Variants in KCNQ1OT1 observed in about 807,000 individuals in gnomAD.
KCNQ1OT1 encodes the protein KCNQ1 opposite strand/antisense transcript 1.
exon 1 of KCNQ1OT1, chr11:2,614,268 G>C (rs1849025314): frequency 2.5e-6 from 1 of 398,538 alleles, no homozygotes; most frequent in Non-Finnish European, 4.4e-6. Flanking sequence ...TCTGACATGT[G>C]TTCTCCATGT....
chr11:2,679,746 T>A lies in KCNQ1OT1; in HGVS notation n.20249A>T, dbSNP rs541719547. ...GTCCAGATGCTGTGGACAGTGATGA[T>A]GGGAAAATAGTCCCTGCTGCACACT... On this transcript the variant is annotated non_coding_transcript_exon_variant, in exon 1 of 1. Coordinates refer to ENST00000597346, the Ensembl canonical transcript of KCNQ1OT1. This position sits in a 1 kb window ranked among gnomAD's most constrained non-coding sequence, Gnocchi z 4.8. The A allele has an allele frequency of 2.5e-6, 1 of 398,458 alleles. No individual in the cohort carries two copies. 24.7% of individuals were successfully genotyped at this position (398,458 alleles called of 1,614,324 possible). A position where few individuals can be genotyped will look rare whatever the true frequency, so the allele number is the denominator to read the frequency against.
chr11:2,682,282 T>TA lies in KCNQ1OT1; in HGVS notation n.17712dup, dbSNP rs1432811485. ...ATTTCTAAAGCTTAAGACTGGGCTG[T>TA]AAAAAATCACATACCTCCCCTCCCA... is the stretch of plus-strand genomic sequence containing the variant. On this transcript the variant is annotated non_coding_transcript_exon_variant, in exon 1 of 1. Transcript: ENST00000597346. The surrounding 1 kb of genome is among the most constrained non-coding windows in gnomAD (Gnocchi z 5.8). The TA allele has an allele frequency of 7.5e-6, 3 of 398,608 alleles. No homozygotes were observed. The highest frequency in any genetic ancestry group is 2.5e-4 in the South Asian group (2 of 7,856). The allele number at this position is 398,608 out of a possible 1,614,324, so 24.7% of individuals were successfully genotyped here.
chr11:2,655,531 C>A (rs1026495236), exon 1 of KCNQ1OT1: 11 of 398,586 alleles, frequency 2.8e-5, no homozygotes, highest in Middle Eastern at 6.2e-4. Flanking sequence ...ATGGGCTCAA[C>A]CTTCTCTGCA....
rs1590008336 is a variant in KCNQ1OT1 at position 2,653,291 on chromosome 11, G to C, written n.46704C>G. ...CCTGAAAACTAGTGGGGGCAGTGCA[G>C]ACCAGTTTAGCTATTTTGTAACCTT... On this transcript the variant is annotated non_coding_transcript_exon_variant, in exon 1 of 1. Coordinates refer to ENST00000597346, the Ensembl canonical transcript of KCNQ1OT1. This position sits in a 1 kb window ranked among gnomAD's most constrained non-coding sequence, Gnocchi z 5.3. 2.5e-6 allele frequency: 1 copy of C among 398,624 alleles called. No individual in the cohort carries two copies. Among genetic ancestry groups the C allele is most frequent in the Non-Finnish European group, 4.4e-6 (1 of 226,146 alleles). The allele number at this position is 398,624 out of a possible 1,614,324, so 24.7% of individuals were successfully genotyped here.
At chr11:2,618,175 C>T (rs1199138645) in exon 1 of KCNQ1OT1, 2 of 398,246 alleles carry the variant, frequency 5.0e-6, no homozygotes, top group Non-Finnish European at 8.8e-6. Flanking sequence ...GGTCTTTTAT[C>T]CATTTTGAGT....
exon 1 of KCNQ1OT1, chr11:2,699,829 C>T (rs950721756): frequency 2.3e-5 from 9 of 395,844 alleles, no homozygotes; most frequent in Admixed American, 4.4e-5. Context: ...ACTGACGCAC[C>T]GAGGAGGACC....
exon 1 of KCNQ1OT1, chr11:2,637,574 T>C (rs971142834): frequency 3.3e-5 from 5 of 152,236 alleles, no homozygotes; most frequent in Admixed American, 6.5e-5. Context: ...TCTGTTCTTT[T>C]ACATTTGCTG....
At position 2,613,496 on chromosome 11, in the gene KCNQ1OT1, C is replaced by A. The variant is rs1232104445; in HGVS notation, n.86499G>T. Reference sequence around the variant, plus strand: ...GTTGCTGGTCCTCAAGCCTACCGTGCCCCTGAGCTTGGGTGGGGAGATGGC... The same window carrying A: ...GTTGCTGGTCCTCAAGCCTACCGTGACCCTGAGCTTGGGTGGGGAGATGGC... On this transcript the variant is annotated non_coding_transcript_exon_variant, in exon 1 of 1. Coordinates refer to ENST00000597346, the Ensembl canonical transcript of KCNQ1OT1. This position sits in a 1 kb window ranked among gnomAD's most constrained non-coding sequence, Gnocchi z 4.8. 3.3e-5 allele frequency: 13 copies of A among 398,552 alleles called. No individual in the cohort carries two copies. The highest frequency in any genetic ancestry group is 6.3e-4 in the Middle Eastern group (1 of 1,590). The allele number at this position is 398,552 out of a possible 1,614,324, so 24.7% of individuals were successfully genotyped here.
rs934201018 is a variant in KCNQ1OT1 at position 2,690,381 on chromosome 11, G to C, written n.9614C>G. 2 of 398,592 alleles carry C rather than the reference G, an allele frequency of 5.0e-6. No individual in the cohort carries two copies. Among genetic ancestry groups the C allele is most frequent in the Non-Finnish European group, 8.8e-6 (2 of 226,134 alleles). The allele number at this position is 398,592 out of a possible 1,614,324, so 24.7% of individuals were successfully genotyped here. On this transcript the variant is annotated non_coding_transcript_exon_variant, in exon 1 of 1. Transcript: ENST00000597346. The surrounding 1 kb of genome is among the most constrained non-coding windows in gnomAD (Gnocchi z 5.1). ...TTCCACTACTTGGCATGGAACATGT[G>C]CCAGACCAAAAGAGCTATCTCTCTC...
In KCNQ1OT1 at chr11:2,678,958, A is replaced by G; in HGVS notation, n.21037T>C. The stretch of plus-strand genomic sequence containing the variant: ...ACTGAATTTGCTAACTCAATAGAGA[A>G]CAAAAGAGCAAATAGGCCTAATTCA... On this transcript the variant is annotated non_coding_transcript_exon_variant, in exon 1 of 1. Transcript: ENST00000597346. The surrounding 1 kb of genome is among the most constrained non-coding windows in gnomAD (Gnocchi z 4.9). 1 of 398,654 alleles carries G rather than the reference A, an allele frequency of 2.5e-6. No homozygotes were observed. Among genetic ancestry groups the G allele is most frequent in the East Asian group, 3.6e-5 (1 of 28,088 alleles). The allele number at this position is 398,654 out of a possible 1,614,324, so 24.7% of individuals were successfully genotyped here.
exon 1 of KCNQ1OT1, chr11:2,666,230 C>A (rs1484073339): frequency 2.5e-5 from 10 of 398,480 alleles, no homozygotes; most frequent in Non-Finnish European, 3.5e-5. Context: ...GCACCCGGCC[C>A]ATTGAGATGG....
chr11:2,692,348 G>A, exon 1 of KCNQ1OT1: 2 of 398,882 alleles, frequency 5.0e-6, no homozygotes, highest in African/African-American at 4.1e-5. Context: ...TCTCTGTACT[G>A]CAGGCATCTC....
exon 1 of KCNQ1OT1, chr11:2,672,159 T>G (rs2133869562): frequency 2.5e-6 from 1 of 398,744 alleles, no homozygotes; most frequent in South Asian, 1.3e-4. Flanking sequence ...AAAGTTGGGC[T>G]TGTTTTTCAG....
At chr11:2,675,090 C>T (rs936867138) in exon 1 of KCNQ1OT1, 1 of 398,504 alleles carries the variant, frequency 2.5e-6, no homozygotes, top group Admixed American at 4.4e-5. Flanking sequence ...GTGGGCATGT[C>T]CTGAGTGGAC....
At chr11:2,667,892 C>G (rs1850111765) in exon 1 of KCNQ1OT1, 1 of 398,542 alleles carries the variant, frequency 2.5e-6, no homozygotes, top group African/African-American at 2.1e-5. Context: ...AAGTGCGCAG[C>G]TTGAGGCATC....
rs2133900984 is a variant in KCNQ1OT1 at position 2,698,749 on chromosome 11, C to T, written n.1246G>A. On this transcript the variant is annotated non_coding_transcript_exon_variant, in exon 1 of 1. Transcript: ENST00000597346. This position sits in a 1 kb window ranked among gnomAD's most constrained non-coding sequence, Gnocchi z 5.1. ...CTCGGACCTCCCTTGGATCTCAACT[C>T]AGAGCCATGATGCAGACTCCAGACC... 2.5e-6 allele frequency: 1 copy of T among 398,816 alleles called. No individual in the cohort carries two copies. Among genetic ancestry groups the T allele is most frequent in the South Asian group, 1.3e-4 (1 of 7,842 alleles). 24.7% of individuals were successfully genotyped at this position (398,816 alleles called of 1,614,324 possible).
chr11:2,666,832 G>A lies in KCNQ1OT1; in HGVS notation n.33163C>T, dbSNP rs1389207502. The A allele has an allele frequency of 1.5e-4, 59 of 398,714 alleles. No individual in the cohort carries two copies. The East Asian group carries it at 2.1e-3, about 14-fold the overall frequency. 24.7% of individuals were successfully genotyped at this position (398,714 alleles called of 1,614,324 possible). The stretch of plus-strand genomic sequence containing the variant: ...GGAAAGGACAGAAAGGACATTCTGG[G>A]AACCAGTGTCCAGAAGGATGAGTGA... On this transcript the variant is annotated non_coding_transcript_exon_variant, in exon 1 of 1. Coordinates refer to ENST00000597346, the Ensembl canonical transcript of KCNQ1OT1.
chr11:2,614,125 C>G, exon 1 of KCNQ1OT1: 1 of 398,466 alleles, frequency 2.5e-6, no homozygotes, highest in Non-Finnish European at 4.4e-6. Context: ...TTTGGCTTTC[C>G]TACCATGTCT....
chr11:2,662,080 C>T lies in KCNQ1OT1; in HGVS notation n.37915G>A, dbSNP rs397508091. Reference sequence around the variant, plus strand: ...GCTGACACCCATCACCCACATCTCACAGTGAGTGCCTACATGTGCGTGAAG... The same window carrying T: ...GCTGACACCCATCACCCACATCTCATAGTGAGTGCCTACATGTGCGTGAAG... On this transcript the variant is annotated non_coding_transcript_exon_variant, in exon 1 of 1. Transcript: ENST00000597346. 1 of 1,614,234 alleles carries T rather than the reference C, an allele frequency of 6.2e-7. No homozygotes were observed. Among genetic ancestry groups the T allele is most frequent in the Non-Finnish European group, 8.5e-7 (1 of 1,180,050 alleles).
Sources: allele counts gnomAD v4.1 joint callset, GRCh38; gene constraint gnomAD v4.1.1; non-coding constraint Gnocchi (gnomAD v3.1); transcripts MANE v1.5; gene names NCBI Gene and HGNC (gene_info 2026-07-23, HGNC 2026-07-21).